SLC25A12: variants seen among roughly 807,000 people sequenced by gnomAD.
SLC25A12 encodes the protein electrogenic aspartate/glutamate antiporter SLC25A12, mitochondrial.
SLC25A12 carries 32 observed loss-of-function variants against 83.3 expected under a neutral mutation model. The ratio of observed to expected loss-of-function variants is 0.38; its 90% CI spans 0.29 to 0.52. SLC25A12 has a LOEUF of 0.52. Ranked by LOEUF, SLC25A12 falls within the 20% of genes least tolerant of loss-of-function variation. SLC25A12 has a pLI of 0.84. For synonymous variants in SLC25A12, 267 were observed against 291.1 expected (o/e 0.92, Z 0.84); for missense variants, 611 against 835.6 (o/e 0.73, Z 3.31).
At chr2:171,891,526 C>T (rs2105936437) in intron 2 of SLC25A12, among the ~76,000 whole-genome samples, 1 of 152,286 alleles carries the variant, frequency 6.6e-6, no homozygotes, top group East Asian at 1.9e-4. Context: ...AGATGATTAG[C>T]CTAAGGGTAC....
chr2:171,839,294 C>T (rs535281035), intron 5 of SLC25A12, among the ~76,000 whole-genome samples: 33 of 152,286 alleles, frequency 2.2e-4, no homozygotes, highest in African/African-American at 7.7e-4. Flanking sequence ...CAAATACCCA[C>T]ACCTAAAGCC....
At chr2:171,878,583 C>G (rs1685619395) in intron 2 of SLC25A12, among the ~76,000 whole-genome samples, 1 of 152,114 alleles carries the variant, frequency 6.6e-6, no homozygotes, top group African/African-American at 2.4e-5. Flanking sequence ...CCTGACTGGT[C>G]TAGGCAGCTT....
At position 171,834,072 on chromosome 2, in the gene SLC25A12, A is replaced by T; in HGVS notation, c.752-16T>A. ...GCAAATTCCTCTGGAACAGAGAAAA[A>T]AAAAGTTAAAATCTTGAATGATTCT... On this transcript the variant is annotated splice_polypyrimidine_tract_variant and intron_variant, in intron 7 of 17. Coordinates refer to ENST00000422440, the MANE Select transcript of SLC25A12 (RefSeq NM_003705.5). The T allele has an allele frequency of 6.8e-7, 1 of 1,463,014 alleles. No homozygotes were observed. The highest frequency in any genetic ancestry group is 9.6e-7 in the Non-Finnish European group (1 of 1,042,532). 90.6% of individuals were successfully genotyped at this position (1,463,014 alleles called of 1,614,324 possible). A position where few individuals can be genotyped will look rare whatever the true frequency, so the allele number is the denominator to read the frequency against.
intron 3 of SLC25A12, among the ~76,000 whole-genome samples, chr2:171,861,951 T>C (rs1305414273): frequency 6.6e-6 from 1 of 152,252 alleles, no homozygotes; most frequent in Non-Finnish European, 1.5e-5. Flanking sequence ...ATTCATTTTA[T>C]AACTTTGAAA....
intron 11 of SLC25A12, among the ~76,000 whole-genome samples, chr2:171,812,974 C>T (rs548075913): frequency 6.6e-6 from 1 of 152,098 alleles, no homozygotes; most frequent in South Asian, 2.1e-4. Context: ...TGTATTTCTC[C>T]TCTTTAATTC....
chr2:171,856,888 A>C (rs1484693950), intron 3 of SLC25A12, among the ~76,000 whole-genome samples: 1 of 152,238 alleles, frequency 6.6e-6, no homozygotes, highest in Non-Finnish European at 1.5e-5. Context: ...ATTATCTTTT[A>C]GAGATACACA....
At chr2:171,876,542 T>A (rs78742893) in intron 2 of SLC25A12, among the ~76,000 whole-genome samples, 1 of 24,952 alleles carries the variant, frequency 4.0e-5, no homozygotes, top group Non-Finnish European at 1.4e-4. Context: ...TTTTTTTTTT[T>A]TGGGGGGGGG....
At chr2:171,789,138 T>C (rs997884353) in intron 15 of SLC25A12, among the ~76,000 whole-genome samples, 2 of 152,176 alleles carry the variant, frequency 1.3e-5, no homozygotes, top group Non-Finnish European at 2.9e-5. Context: ...CTGGGCCAAG[T>C]GTGGTGGTTC....
intron 15 of SLC25A12, 94 bp from the exon 16 acceptor site, chr2:171,788,041 A>G (rs1690522452): frequency 7.7e-7 from 1 of 1,292,776 alleles, no homozygotes; most frequent in East Asian, 2.4e-5. Flanking sequence ...AACTTCAACC[A>G]CTTGAGCGGA....
intron 2 of SLC25A12, among the ~76,000 whole-genome samples, chr2:171,872,132 C>T (rs1471361277): frequency 6.6e-6 from 1 of 152,030 alleles, no homozygotes; most frequent in Non-Finnish European, 1.5e-5. Flanking sequence ...AACCTTGGCT[C>T]TACCACTAAC....
chr2:171,870,252 T>C (rs952920688), intron 2 of SLC25A12, among the ~76,000 whole-genome samples: 23 of 152,186 alleles, frequency 1.5e-4, no homozygotes, highest in Non-Finnish European at 2.4e-4. Flanking sequence ...ATAGAAAATA[T>C]CATAATCCAT....
At chr2:171,839,668 T>C (rs1302222181) in intron 5 of SLC25A12, among the ~76,000 whole-genome samples, 1 of 152,050 alleles carries the variant, frequency 6.6e-6, no homozygotes, top group Non-Finnish European at 1.5e-5. Flanking sequence ...AAGGAGAAGA[T>C]GGCAACTATA....
At chr2:171,878,531 T>C (rs1685618367) in intron 2 of SLC25A12, among the ~76,000 whole-genome samples, 1 of 152,208 alleles carries the variant, frequency 6.6e-6, no homozygotes, top group South Asian at 2.1e-4. Context: ...AGAGTTTCCC[T>C]GGGTTGGCTT....
At chr2:171,807,844 C>T (rs900633213) in intron 13 of SLC25A12, among the ~76,000 whole-genome samples, 5 of 152,172 alleles carry the variant, frequency 3.3e-5, no homozygotes, top group African/African-American at 7.2e-5. Flanking sequence ...GGCATGCATA[C>T]AGGCACACAC....
chr2:171,859,084 G>C (rs1214316570), intron 3 of SLC25A12, among the ~76,000 whole-genome samples: 1 of 152,118 alleles, frequency 6.6e-6, no homozygotes, highest in African/African-American at 2.4e-5. Context: ...TCAATTTGGT[G>C]TTCTTCCATT....
intron 4 of SLC25A12, among the ~76,000 whole-genome samples, chr2:171,851,199 G>T (rs1268716240): frequency 1.2e-4 from 17 of 144,550 alleles, no homozygotes; most frequent in Non-Finnish European, 2.1e-4. Context: ...TTTCTTGTTT[G>T]TTTTTTTTTT....
At chr2:171,881,147 T>TTTTGTTGTTG (rs1553477533) in intron 2 of SLC25A12, among the ~76,000 whole-genome samples, 129 of 152,084 alleles carry the variant, frequency 8.5e-4, no homozygotes, top group Middle Eastern at 3.4e-3. Flanking sequence ...ATTTTCTTTT[T>TTTTGTTGTTG]TTGTTGTTGT....
At chr2:171,889,258 A>C (rs894315879) in intron 2 of SLC25A12, among the ~76,000 whole-genome samples, 1 of 152,150 alleles carries the variant, frequency 6.6e-6, no homozygotes. Flanking sequence ...CCATCCCCCC[A>C]AAAAATATTA....
At chr2:171,796,640 T>TA (rs1211779941) in intron 13 of SLC25A12, among the ~76,000 whole-genome samples, 4 of 152,064 alleles carry the variant, frequency 2.6e-5, no homozygotes, top group Non-Finnish European at 5.9e-5. Flanking sequence ...CCCTATCTCT[T>TA]AAAATTTTTT....
Sources: allele counts gnomAD v4.1 joint callset (sites outside exome capture counted in the v4.1 genomes callset), GRCh38; gene constraint gnomAD v4.1.1; transcripts MANE v1.5; gene names NCBI Gene and HGNC (gene_info 2026-07-23, HGNC 2026-07-21).